The following RAB11FIP4 variants were observed in gnomAD, a reference collection of about 807,000 sequenced individuals.
The protein encoded by RAB11FIP4 is rab11 family-interacting protein 4.
Under a neutral mutation model 74.3 loss-of-function variants are expected in RAB11FIP4, and 23 were observed. The observed-to-expected ratio is 0.31, with a 90% confidence interval of 0.22 to 0.44. RAB11FIP4 has a LOEUF of 0.44. Among genes scored for constraint, RAB11FIP4 ranks in the 20% least tolerant of loss-of-function variants. RAB11FIP4 has a pLI of 1.00. For synonymous variants in RAB11FIP4, 360 were observed against 359.9 expected, an observed-to-expected ratio of 1.00 and a Z score of 0.00; for missense variants, 630 against 863.9, an observed-to-expected ratio of 0.73 and a Z score of 3.39.
At chr17:31,449,452 CT>C (rs1046218642) in intron 3 of RAB11FIP4, among the ~76,000 whole-genome samples, 1 of 152,208 alleles carries the variant, frequency 6.6e-6, no homozygotes, top group African/African-American at 2.4e-5. Context: ...AAAGACTGGT[CT>C]CAACTCCCTT....
chr17:31,457,996 C>T (rs2071595649), intron 3 of RAB11FIP4, among the ~76,000 whole-genome samples: 1 of 152,292 alleles, frequency 6.6e-6, no homozygotes, highest in South Asian at 2.1e-4. Flanking sequence ...AGGGAAGGGA[C>T]AGATGGAGTG....
chr17:31,501,166 C>T (rs115686571), intron 3 of RAB11FIP4, among the ~76,000 whole-genome samples: 40 of 151,266 alleles, frequency 2.6e-4, no homozygotes, highest in East Asian at 1.9e-4. Context: ...TCAAACTAAT[C>T]GTGAAAGAGA....
intron 10 of RAB11FIP4, 96 bp from the exon 11 acceptor site, chr17:31,527,746 C>G: frequency 1.2e-6 from 1 of 854,954 alleles, no homozygotes; most frequent in East Asian, 2.7e-5. Flanking sequence ...GGTATCTTTC[C>G]TCTGGGAGGA....
At chr17:31,482,629 G>A (rs2071860739) in intron 3 of RAB11FIP4, among the ~76,000 whole-genome samples, 2 of 151,990 alleles carry the variant, frequency 1.3e-5, no homozygotes, top group African/African-American at 4.8e-5. Flanking sequence ...AAAAAATTAG[G>A]AATGACTTTC....
At chr17:31,520,094 C>CA (rs10612669) in intron 4 of RAB11FIP4, among the ~76,000 whole-genome samples, 1,006 of 91,432 alleles carry the variant, frequency 0.011, 7 homozygotes, top group Non-Finnish European at 0.013. Context: ...ACTCTGTCTC[C>CA]AAAAAAAAAA....
At chr17:31,463,353 A>C (rs1291750603) in intron 3 of RAB11FIP4, among the ~76,000 whole-genome samples, 1 of 152,154 alleles carries the variant, frequency 6.6e-6, no homozygotes, top group Admixed American at 6.5e-5. Flanking sequence ...TGCAGATCAT[A>C]TAAGATAAAG....
chr17:31,485,137 A>T lies in RAB11FIP4; in HGVS notation c.337-32514A>T, dbSNP rs1299555333. On this transcript the variant is annotated intron_variant, in intron 3 of 14. Coordinates refer to ENST00000621161, the MANE Select transcript of RAB11FIP4 (RefSeq NM_032932.6). ...ATTGAAACTTCACAACTGCAAGAGG[A>T]AATGTCTTATTTCCATTTTCTAGAG... Among the ~76,000 whole-genome samples, 7 of 152,342 alleles carry T rather than the reference A, an allele frequency of 4.6e-5. No individual in the cohort carries two copies. The East Asian group carries it at 1.3e-3, about 29-fold the overall frequency.
At chr17:31,491,046 C>G (rs1401824838) in intron 3 of RAB11FIP4, among the ~76,000 whole-genome samples, 14 of 152,262 alleles carry the variant, frequency 9.2e-5, no homozygotes, top group Admixed American at 9.2e-4. Flanking sequence ...TGCCCAGTTA[C>G]TTCATCTCAG....
chr17:31,429,559 G>T (rs1465708358), intron 1 of RAB11FIP4, among the ~76,000 whole-genome samples: 3 of 152,220 alleles, frequency 2.0e-5, no homozygotes, highest in African/African-American at 7.2e-5. Flanking sequence ...GGGCGTGGTG[G>T]ATCACGCCTG....
chr17:31,399,178 A>G (rs2070960740), intron 1 of RAB11FIP4, among the ~76,000 whole-genome samples: 1 of 152,120 alleles, frequency 6.6e-6, no homozygotes, highest in Non-Finnish European at 1.5e-5. Context: ...CAGTGCCACC[A>G]GGAACAGTGC....
intron 3 of RAB11FIP4, among the ~76,000 whole-genome samples, chr17:31,436,390 C>T (rs2071357214): frequency 6.6e-6 from 1 of 151,852 alleles, no homozygotes; most frequent in Admixed American, 6.6e-5. Flanking sequence ...TAAAGTAAAG[C>T]CCTGCCCCAG....
At chr17:31,435,478 A>G (rs1489499390) in intron 3 of RAB11FIP4, among the ~76,000 whole-genome samples, 1 of 152,246 alleles carries the variant, frequency 6.6e-6, no homozygotes, top group Non-Finnish European at 1.5e-5. Context: ...GCACAAGCTG[A>G]CAACCAGCGA....
chr17:31,527,802 C>G (rs1278051158), intron 10 of RAB11FIP4, 40 bp from the exon 11 acceptor site: 1 of 1,504,138 alleles, frequency 6.6e-7, no homozygotes, highest in Admixed American at 1.9e-5. Flanking sequence ...AGATAGTCTA[C>G]ATTCCAGGTT....
At chr17:31,508,806 C>G (rs940130160) in intron 3 of RAB11FIP4, among the ~76,000 whole-genome samples, 49 of 152,178 alleles carry the variant, frequency 3.2e-4, no homozygotes, top group African/African-American at 1.2e-3. Context: ...TTCTGGGAGC[C>G]TCAGCACACA....
Position 31,531,864 on chromosome 17 carries a change from C to A in RAB11FIP4, c.*132C>A. On this transcript the variant is annotated 3_prime_UTR_variant, in exon 15 of 15. Transcript: ENST00000621161. ...CTCTGGCCACCATGCGTTACGTGTA[C>A]CCGTGTATATGTGGGGAGGCTGTGC... is the stretch of plus-strand genomic sequence containing the variant. 1 of 686,492 alleles carries A rather than the reference C, an allele frequency of 1.5e-6. No homozygotes were observed. The highest frequency in any genetic ancestry group is 2.6e-6 in the Non-Finnish European group (1 of 386,284). 42.5% of individuals were successfully genotyped at this position (686,492 alleles called of 1,614,324 possible). A position where few individuals can be genotyped will look rare whatever the true frequency, so the allele number is the denominator to read the frequency against.
At chr17:31,439,779 T>A (rs1477668493) in intron 3 of RAB11FIP4, among the ~76,000 whole-genome samples, 4 of 151,938 alleles carry the variant, frequency 2.6e-5, no homozygotes, top group Admixed American at 6.6e-5. Flanking sequence ...TCCAGCTAAT[T>A]TTTGTTTTTT....
intron 1 of RAB11FIP4, among the ~76,000 whole-genome samples, chr17:31,397,820 G>T (rs1307929297): frequency 1.3e-5 from 2 of 151,912 alleles, no homozygotes; most frequent in African/African-American, 2.4e-5. Flanking sequence ...CTGGGAGGAG[G>T]CCAGATGCAG....
chr17:31,432,161 C>T (rs1290456542), intron 2 of RAB11FIP4, among the ~76,000 whole-genome samples: 4 of 152,192 alleles, frequency 2.6e-5, no homozygotes, highest in Non-Finnish European at 5.9e-5. Context: ...AGAAAGCCTC[C>T]TTCCCTGCTT....
intron 3 of RAB11FIP4, among the ~76,000 whole-genome samples, chr17:31,444,356 C>CT (rs200745996): frequency 4.0e-4 from 61 of 151,246 alleles, no homozygotes; most frequent in African/African-American, 1.5e-3. Flanking sequence ...AACACCCCCC[C>CT]CACCCTTCTA....
Sources: allele counts gnomAD v4.1 joint callset (sites outside exome capture counted in the v4.1 genomes callset), GRCh38; gene constraint gnomAD v4.1.1; transcripts MANE v1.5; gene names NCBI Gene and HGNC (gene_info 2026-07-23, HGNC 2026-07-21).